The following HTR3B variants were observed in gnomAD, a reference collection of about 807,000 sequenced individuals.
HTR3B encodes the protein 5-hydroxytryptamine (serotonin) receptor 3B, ionotropic.
In HTR3B, 44 loss-of-function variants were observed where a neutral mutation model predicts 42.8. The ratio of observed to expected loss-of-function variants is 1.03; its 90% CI spans 0.81 to 1.32. The LOEUF is 1.32. HTR3B is among the 40% of genes most tolerant of loss of function. The pLI is 0.00. For synonymous variants in HTR3B, 203 were observed against 209.0 expected, an observed-to-expected ratio of 0.97 and a Z score of 0.25; for missense variants, 527 against 536.5, an observed-to-expected ratio of 0.98 and a Z score of 0.17.
chr11:113,938,912 T>C (rs985319354), intron 6 of HTR3B, among the ~76,000 whole-genome samples: 5 of 152,114 alleles, frequency 3.3e-5, no homozygotes, highest in African/African-American at 4.8e-5. Context: ...GGAGAATCGC[T>C]TGAACCTGTG....
At chr11:113,900,435 T>G (rs1388015245), upstream of HTR3B, among the ~76,000 whole-genome samples, 5 of 152,158 alleles carry the variant, frequency 3.3e-5, no homozygotes, top group African/African-American at 1.2e-4. Context: ...GGTGGATGTA[T>G]TAGTCTATTC....
At chr11:113,920,274 C>T (rs547507356) in intron 2 of HTR3B, among the ~76,000 whole-genome samples, 14 of 152,202 alleles carry the variant, frequency 9.2e-5, no homozygotes, top group African/African-American at 2.6e-4. Flanking sequence ...GTGATCTGCC[C>T]GCCTCAGCCT....
intron 2 of HTR3B, among the ~76,000 whole-genome samples, chr11:113,923,596 T>C (rs903535131): frequency 6.6e-6 from 1 of 152,194 alleles, no homozygotes; most frequent in Non-Finnish European, 1.5e-5. Context: ...TCTGTATATT[T>C]GCTAACCACC....
At position 113,944,719 on chromosome 11, in the gene HTR3B, A is replaced by C. The variant is rs139804695; in HGVS notation, c.1054A>C (p.Arg352=). The change falls in exon 8 of 9, where the codon AGA becomes CGA. Residue 352 remains arginine, a synonymous_variant. Transcript: ENST00000260191. The part of the protein sequence containing the change: ...LRGDTDADRP[R]VEPRAQRAVV... ...AGGGGACACCGATGCTGACAGGCCT[A>C]GAGTGGAACCCAGGGCCCAACGTGC... 1 of 1,614,186 alleles carries C rather than the reference A, an allele frequency of 6.2e-7. No individual in the cohort carries two copies. Among genetic ancestry groups the C allele is most frequent in the Non-Finnish European group, 8.5e-7 (1 of 1,180,016 alleles).
At chr11:113,899,617 T>C in the HTR3B span, among the ~76,000 whole-genome samples, 1 of 152,336 alleles carries the variant, frequency 6.6e-6, no homozygotes, top group East Asian at 1.9e-4. Flanking sequence ...CATTTGCATA[T>C]TTATGGGATT....
chr11:113,931,390 G>C lies in HTR3B; in HGVS notation c.220G>C (p.Glu74Gln), dbSNP rs1180582122. The C allele has an allele frequency of 6.2e-7, 1 of 1,601,982 alleles. No homozygotes were observed. The highest frequency in any genetic ancestry group is 1.3e-5 in the African/African-American group (1 of 74,434). ...TTTTCTTTTTGCCTTGCAGGATGCA[G>C]AGAATCAAATATTAAAGACAAGTGT... ...FVHAILDVDA[E>Q]NQILKTSVWY... Residue 74 changes from glutamate to glutamine, a missense_variant, in exon 3 of 9, where the codon GAG becomes CAG. Coordinates refer to ENST00000260191, the MANE Select transcript of HTR3B (RefSeq NM_006028.5).
At chr11:113,899,523 G>A in the HTR3B span, among the ~76,000 whole-genome samples, 1 of 152,190 alleles carries the variant, frequency 6.6e-6, no homozygotes, top group Admixed American at 6.5e-5. Context: ...CCAAGGGAGT[G>A]AACAAAGAGA....
At chr11:113,899,351 G>A in the HTR3B span, among the ~76,000 whole-genome samples, 1 of 152,180 alleles carries the variant, frequency 6.6e-6, no homozygotes, top group African/African-American at 2.4e-5. Context: ...AAACACTGTG[G>A]AGTAACAGAA....
intron 7 of HTR3B, among the ~76,000 whole-genome samples, chr11:113,943,797 A>T (rs1376463973): frequency 6.6e-6 from 1 of 151,448 alleles, no homozygotes; most frequent in Non-Finnish European, 1.5e-5. Context: ...TGGGTGACAG[A>T]GCAAGAACGG....
At position 113,931,490 on chromosome 11, in the gene HTR3B, T is replaced by C. The variant is rs544945523; in HGVS notation, c.258+62T>C. 43 of 1,042,296 alleles carry C rather than the reference T, an allele frequency of 4.1e-5. No individual in the cohort carries two copies. In the African/African-American group the frequency reaches 5.3e-4, roughly 13 times the overall value. 64.6% of individuals were successfully genotyped at this position (1,042,296 alleles called of 1,614,324 possible). A position where few individuals can be genotyped will look rare whatever the true frequency, so the allele number is the denominator to read the frequency against. On this transcript the variant is annotated intron_variant, in intron 3 of 8. Coordinates refer to ENST00000260191, the MANE Select transcript of HTR3B (RefSeq NM_006028.5). ...CCTGATCTGGATCTGCTGCAAAATATAGTTATTTAAGAAATAGGTATTATC... is the reference window on the plus strand; with the variant it reads ...CCTGATCTGGATCTGCTGCAAAATACAGTTATTTAAGAAATAGGTATTATC...
At chr11:113,933,115 C>T in intron 6 of HTR3B, 22 bp downstream of exon 6, 1 of 1,603,204 alleles carries the variant, frequency 6.2e-7, no homozygotes, top group Non-Finnish European at 8.5e-7. Context: ...ACTACCTGTC[C>T]CCGTTGCCCG....
At chr11:113,945,354 C>T (rs914471247) in intron 8 of HTR3B, among the ~76,000 whole-genome samples, 19 of 152,116 alleles carry the variant, frequency 1.2e-4, no homozygotes, top group African/African-American at 4.3e-4. Flanking sequence ...AGGCTGGTCT[C>T]GAACTCCTGA....
At chr11:113,899,578 T>C in the HTR3B span, among the ~76,000 whole-genome samples, 3 of 152,364 alleles carry the variant, frequency 2.0e-5, no homozygotes, top group Non-Finnish European at 1.5e-5. Flanking sequence ...GGAATAAAGA[T>C]ATTTAAGGCC....
At chr11:113,942,268 T>A (rs1032460791) in intron 6 of HTR3B, among the ~76,000 whole-genome samples, 7 of 151,984 alleles carry the variant, frequency 4.6e-5, no homozygotes, top group Admixed American at 3.9e-4. Flanking sequence ...AGAGCGAGAC[T>A]CCGTCTCAAA....
chr11:113,917,701 C>T (rs150671058), intron 2 of HTR3B, among the ~76,000 whole-genome samples: 1,834 of 151,966 alleles, frequency 0.012, 39 homozygotes, highest in African/African-American at 0.043. Context: ...ACCTCCTGGG[C>T]TCAGACAATT....
chr11:113,901,510 AAAAG>A (rs1949697956), upstream of HTR3B, among the ~76,000 whole-genome samples: 2 of 152,310 alleles, frequency 1.3e-5, no homozygotes, highest in Middle Eastern at 3.4e-3. Context: ...TAAGATTAGA[AAAAG>A]AAAGATCTAA....
chr11:113,911,171 C>T (rs1048638080), intron 2 of HTR3B, among the ~76,000 whole-genome samples: 1 of 152,062 alleles, frequency 6.6e-6, no homozygotes, highest in South Asian at 2.1e-4. Flanking sequence ...TGTGGAAATA[C>T]ACAGATATTA....
chr11:113,935,839 G>A (rs915192408), intron 6 of HTR3B, among the ~76,000 whole-genome samples: 9 of 152,308 alleles, frequency 5.9e-5, no homozygotes, highest in South Asian at 2.1e-4. Flanking sequence ...GGGAAGTCAG[G>A]AGAAGCAATA....
Position 113,928,726 on chromosome 11 carries a change from G to C in HTR3B, c.214-2658G>C, listed in dbSNP as rs547170153. Among the ~76,000 whole-genome samples, 9 of 152,136 alleles carry C rather than the reference G, an allele frequency of 5.9e-5. No individual in the cohort carries two copies. The South Asian group carries it at 1.9e-3, about 32-fold the overall frequency. On this transcript the variant is annotated intron_variant, in intron 2 of 8. Transcript: ENST00000260191. ...TAATTTTTGTATTTTAAGTAGAGACGGGGTTTCACCATGATGGCTAAGCTG... is the reference window on the plus strand; with the variant it reads ...TAATTTTTGTATTTTAAGTAGAGACCGGGTTTCACCATGATGGCTAAGCTG...
Sources: allele counts gnomAD v4.1 joint callset (sites outside exome capture counted in the v4.1 genomes callset), GRCh38; gene constraint gnomAD v4.1.1; transcripts MANE v1.5; gene names NCBI Gene and HGNC (gene_info 2026-07-23, HGNC 2026-07-21).